TENM2: variants seen among roughly 807,000 people sequenced by gnomAD.
TENM2 encodes teneurin transmembrane protein 2.
TENM2 carries 52 observed loss-of-function variants against 245.2 expected under a neutral mutation model. The observed-to-expected ratio is 0.21, with a 90% CI of 0.17 to 0.27. TENM2 has a LOEUF of 0.27. Among genes scored for constraint, TENM2 ranks in the 10% least tolerant of loss-of-function variants. TENM2 has a pLI of 1.00. For synonymous variants in TENM2, 1,363 were observed against 1,438.9 expected (o/e 0.95, Z 1.19); for missense variants, 3,046 against 3,666.8 (o/e 0.83, Z 4.37).
At position 167,683,711 on chromosome 5, in the gene TENM2, T is replaced by C. The variant is rs973573482; in HGVS notation, c.503-192275T>C. Among the ~76,000 whole-genome samples, 5 of 152,190 alleles carry C rather than the reference T, an allele frequency of 3.3e-5. No homozygotes were observed. The East Asian group carries it at 9.7e-4, about 29-fold the overall frequency. ...CATTATAATGAAACTCACAAAAGCA[T>C]GGAAAGAGGTTTGGAAGAAAACGAA... On this transcript the variant is annotated intron_variant, in intron 2 of 28. Transcript: ENST00000518659.
At chr5:167,899,357 G>T (rs1048868232) in intron 3 of TENM2, among the ~76,000 whole-genome samples, 7 of 152,208 alleles carry the variant, frequency 4.6e-5, no homozygotes, top group Admixed American at 3.9e-4. Context: ...GACAGGCAAG[G>T]AGGGTGAGAT....
At chr5:167,844,756 G>A (rs1255036754) in intron 2 of TENM2, among the ~76,000 whole-genome samples, 8 of 149,992 alleles carry the variant, frequency 5.3e-5, no homozygotes, top group Non-Finnish European at 7.4e-5. Flanking sequence ...CTCTTCTGCC[G>A]TACTGGATCT....
intron 2 of TENM2, among the ~76,000 whole-genome samples, chr5:167,637,300 C>T (rs1378114133): frequency 1.3e-5 from 2 of 151,870 alleles, no homozygotes; most frequent in South Asian, 2.1e-4. Flanking sequence ...GCCTGTTTAT[C>T]GAAAAAAATA....
rs1370532170 is a variant in TENM2 at position 168,204,584 on chromosome 5, T to C, written c.3787T>C (p.Phe1263Leu). Residue 1263 changes from phenylalanine to leucine, a missense_variant, in exon 19 of 29, where the codon TTT (phenylalanine) becomes CTT (leucine). By Grantham distance (22) the Phe-to-Leu change is conservative (BLOSUM62 0). Around this residue, in one of 2 missense-constraint regions of TENM2, gnomAD observed 2,704 missense variants for 3,331.9 expected, o/e 0.81. Transcript: ENST00000518659. ...TGACTTCAATTACATCCGACGCATCTTTCCCTCTCGAAATGTGACCAGCAT... is the reference window on the plus strand; with the variant it reads ...TGACTTCAATTACATCCGACGCATCCTTCCCTCTCGAAATGTGACCAGCAT... 26 of 1,613,908 alleles carry C rather than the reference T, an allele frequency of 1.6e-5. No individual in the cohort carries two copies. Among genetic ancestry groups the C allele is most frequent in the Non-Finnish European group, 2.2e-5 (26 of 1,179,898 alleles).
At chr5:167,394,451 G>A (rs975127306) in intron 2 of TENM2, among the ~76,000 whole-genome samples, 1 of 151,772 alleles carries the variant, frequency 6.6e-6, no homozygotes, top group African/African-American at 2.4e-5. Context: ...TTATTTCTGG[G>A]CATTTTATTT....
chr5:167,272,344 G>A, the TENM2 span, among the ~76,000 whole-genome samples: 5 of 152,120 alleles, frequency 3.3e-5, no homozygotes, highest in Non-Finnish European at 4.4e-5. Context: ...TAAAGGCACC[G>A]TGCATTATCC....
At chr5:167,508,879 G>A (rs1242027603) in intron 2 of TENM2, among the ~76,000 whole-genome samples, 7 of 152,070 alleles carry the variant, frequency 4.6e-5, no homozygotes, top group African/African-American at 9.7e-5. Context: ...GAGTGCAATG[G>A]CGTGATCACA....
chr5:167,577,936 C>A (rs1415254164), intron 2 of TENM2, among the ~76,000 whole-genome samples: 1 of 152,184 alleles, frequency 6.6e-6, no homozygotes, highest in Admixed American at 6.5e-5. Flanking sequence ...GTTGAGAGGA[C>A]CCTGAGGAGC....
chr5:167,279,515 TTC>T, the TENM2 span, among the ~76,000 whole-genome samples: 1 of 7,458 alleles, frequency 1.3e-4, no homozygotes, highest in South Asian at 4.1e-3. Context: ...CTTCCTTCCT[TTC>T]CTTCCTTCCT....
chr5:167,181,580 A>G, the TENM2 span, among the ~76,000 whole-genome samples: 12 of 151,932 alleles, frequency 7.9e-5, no homozygotes, highest in African/African-American at 2.7e-4. Context: ...AAAGCACGCA[A>G]TATTTAAATG....
intron 2 of TENM2, among the ~76,000 whole-genome samples, chr5:167,513,041 G>A (rs1412505139): frequency 6.6e-6 from 1 of 152,148 alleles, no homozygotes. Flanking sequence ...TTTTATTGTG[G>A]AAGAGTTGAA....
At chr5:167,767,097 C>A (rs989772008) in intron 2 of TENM2, among the ~76,000 whole-genome samples, 9 of 152,120 alleles carry the variant, frequency 5.9e-5, no homozygotes, top group African/African-American at 1.2e-4. Context: ...TATTTGTACA[C>A]CCATGTTCAT....
intron 2 of TENM2, among the ~76,000 whole-genome samples, chr5:167,507,109 A>G (rs1769609037): frequency 1.3e-5 from 2 of 152,210 alleles, no homozygotes; most frequent in Non-Finnish European, 2.9e-5. Flanking sequence ...GCAACTATCA[A>G]CTTTTATAAT....
At chr5:168,138,053 T>C (rs1276429338) in intron 12 of TENM2, among the ~76,000 whole-genome samples, 1 of 152,216 alleles carries the variant, frequency 6.6e-6, no homozygotes, top group Non-Finnish European at 1.5e-5. Flanking sequence ...TGTAACATCT[T>C]TTCTCTTTGC....
In TENM2 at chr5:167,665,352, T is replaced by G. The variant is rs535154019; in HGVS notation, c.503-210634T>G. Among the ~76,000 whole-genome samples the G allele has an allele frequency of 3.9e-5, 6 of 152,260 alleles. No homozygotes were observed. In the South Asian group the frequency reaches 1.2e-3, roughly 32 times the overall value. The stretch of plus-strand genomic sequence containing the variant: ...GTAGATGTCATTAGTGTCATCCTGG[T>G]CACAGACCTCACCAAAAAAGTGGCT... On this transcript the variant is annotated intron_variant, in intron 2 of 28. Transcript: ENST00000518659.
chr5:168,078,280 AT>A (rs1261532016), intron 7 of TENM2, among the ~76,000 whole-genome samples: 2 of 151,480 alleles, frequency 1.3e-5, no homozygotes, highest in African/African-American at 2.4e-5. Flanking sequence ...GGGTTGTTTG[AT>A]TTTTTTCTTG....
chr5:167,654,567 A>G (rs1396036550), intron 2 of TENM2, among the ~76,000 whole-genome samples: 2 of 151,306 alleles, frequency 1.3e-5, no homozygotes, highest in African/African-American at 4.9e-5. Context: ...TTGCTATTAT[A>G]CTCATCTGAC....
intron 7 of TENM2, among the ~76,000 whole-genome samples, chr5:168,080,624 T>C (rs1228049970): frequency 6.6e-6 from 1 of 152,250 alleles, no homozygotes; most frequent in Non-Finnish European, 1.5e-5. Flanking sequence ...GATTCTGGTA[T>C]GTTGTGTCTT....
intron 4 of TENM2, among the ~76,000 whole-genome samples, chr5:167,960,534 A>ACCCCC (rs536716603): frequency 6.6e-6 from 1 of 151,108 alleles, no homozygotes; most frequent in African/African-American, 2.4e-5. Context: ...GTAATAGTGG[A>ACCCCC]CCCCCCCTCC....
Sources: allele counts gnomAD v4.1 joint callset (sites outside exome capture counted in the v4.1 genomes callset), GRCh38; gene constraint gnomAD v4.1.1; regional missense constraint gnomAD v4.1.1; transcripts MANE v1.5; gene names NCBI Gene and HGNC (gene_info 2026-07-23, HGNC 2026-07-21).